SAMMSON: variants seen among roughly 807,000 people sequenced by gnomAD.
SAMMSON encodes survival associated mitochondrial melanoma specific oncogenic non-coding RNA, also known as long intergenic non-protein coding RNA 1212.
intron 6 of SAMMSON, among the ~76,000 whole-genome samples, chr3:70,287,274 T>C (rs1702176205): frequency 7.0e-6 from 1 of 143,476 alleles, no homozygotes; most frequent in East Asian, 2.0e-4. Flanking sequence ...TGAAGGGTTG[T>C]TGAATTTTGT....
At chr3:70,307,500 A>T (rs1308668920) in intron 7 of SAMMSON, among the ~76,000 whole-genome samples, 1 of 151,910 alleles carries the variant, frequency 6.6e-6, no homozygotes, top group Non-Finnish European at 1.5e-5. Flanking sequence ...TTCCACCTGT[A>T]ATTTCCCCCC....
At chr3:70,193,378 C>G (rs1418178162) in intron 4 of SAMMSON, among the ~76,000 whole-genome samples, 1 of 152,186 alleles carries the variant, frequency 6.6e-6, no homozygotes, top group African/African-American at 2.4e-5. Context: ...TCTGTATCCT[C>G]GAACTCCTGG....
At position 70,265,492 on chromosome 3, in the gene SAMMSON, C is replaced by G. The variant is rs374833254; in HGVS notation, n.674+15822C>G. 1.7e-4 allele frequency among the ~76,000 whole-genome samples: 24 copies of G among 144,140 alleles called. No individual in the cohort carries two copies. The South Asian group carries it at 6.0e-3, about 36-fold the overall frequency. 94.6% of individuals were successfully genotyped at this position (144,140 alleles called of 152,430 possible). On this transcript the variant is annotated intron_variant and non_coding_transcript_variant, in intron 6 of 9. Coordinates refer to ENST00000642114, the Ensembl canonical transcript of SAMMSON. ...CCCTGCTCCATGCTACCTCCATACT[C>G]CCTGCACACACACACTAACACACAA...
At chr3:70,368,684 G>A (rs1271387434) in intron 9 of SAMMSON, among the ~76,000 whole-genome samples, 1 of 151,520 alleles carries the variant, frequency 6.6e-6, no homozygotes, top group East Asian at 1.9e-4. Flanking sequence ...CTGTATTTGT[G>A]TGGGTCTAAT....
chr3:70,028,161 T>TCCTA (rs1489534635), intron 3 of SAMMSON, among the ~76,000 whole-genome samples: 2 of 146,378 alleles, frequency 1.4e-5, no homozygotes, highest in African/African-American at 2.6e-5. Flanking sequence ...CTTCCTTCCT[T>TCCTA]CCTTCCTTCC....
chr3:70,354,075 A>G (rs1702812937), intron 7 of SAMMSON: 2 of 152,332 alleles, frequency 1.3e-5, no homozygotes, highest in Non-Finnish European at 1.5e-5. Flanking sequence ...AAGGAAGTGC[A>G]GCTGTAAAAA....
At chr3:70,207,526 TTGTA>T (rs762402055) in intron 4 of SAMMSON, among the ~76,000 whole-genome samples, 11 of 152,012 alleles carry the variant, frequency 7.2e-5, no homozygotes, top group Non-Finnish European at 1.5e-4. Flanking sequence ...GCCCCAAGCG[TTGTA>T]TGTATTTTAC....
chr3:70,052,905 A>T (rs1334029150), intron 3 of SAMMSON, among the ~76,000 whole-genome samples: 1 of 152,164 alleles, frequency 6.6e-6, no homozygotes, highest in Non-Finnish European at 1.5e-5. Flanking sequence ...GGGTGGCAAG[A>T]ACGTGAATGA....
At chr3:70,249,401 A>G (rs747700557) in intron 5 of SAMMSON, among the ~76,000 whole-genome samples, 2 of 152,154 alleles carry the variant, frequency 1.3e-5, no homozygotes, top group Non-Finnish European at 2.9e-5. Flanking sequence ...ATTGGAATGC[A>G]ATTTAGGAGA....
At chr3:70,391,079 G>A (rs1167156498), downstream of SAMMSON, among the ~76,000 whole-genome samples, 2 of 152,130 alleles carry the variant, frequency 1.3e-5, no homozygotes. Flanking sequence ...GTAATTTACA[G>A]AGAAAAGACA....
chr3:70,242,438 A>G (rs927784718), intron 4 of SAMMSON, among the ~76,000 whole-genome samples: 1 of 152,186 alleles, frequency 6.6e-6, no homozygotes, highest in African/African-American at 2.4e-5. Flanking sequence ...ATGAAATCTC[A>G]GTGGCCCATA....
Position 70,308,878 on chromosome 3 carries a change from G to A in SAMMSON, n.739+17635G>A, listed in dbSNP as rs190170395. On this transcript the variant is annotated intron_variant and non_coding_transcript_variant, in intron 7 of 9. Coordinates refer to ENST00000642114, the Ensembl canonical transcript of SAMMSON. Reference sequence around the variant, plus strand: ...GCAGTGCACTCAGTGCTTTGTGTCAGTGACTCCAGTGAAGTGCTTGTTCCA... The same window carrying A: ...GCAGTGCACTCAGTGCTTTGTGTCAATGACTCCAGTGAAGTGCTTGTTCCA... Among the ~76,000 whole-genome samples the A allele has an allele frequency of 1.2e-3, 190 of 152,232 alleles. 2 individuals are homozygous for A. Among genetic ancestry groups the A allele is most frequent in the Middle Eastern group, 3.4e-3 (1 of 294 alleles).
At chr3:70,385,282 C>A (rs984353797) in intron 9 of SAMMSON, among the ~76,000 whole-genome samples, 2 of 151,990 alleles carry the variant, frequency 1.3e-5, no homozygotes, top group African/African-American at 4.8e-5. Context: ...AACAGTAGGT[C>A]CACCATGTAA....
intron 3 of SAMMSON, among the ~76,000 whole-genome samples, chr3:70,052,832 C>A (rs1437936950): frequency 6.6e-6 from 1 of 152,060 alleles, no homozygotes; most frequent in Admixed American, 6.6e-5. Flanking sequence ...AAATTGCCCT[C>A]ATTTGAGAAG....
chr3:70,278,860 G>A (rs925802369), intron 6 of SAMMSON, among the ~76,000 whole-genome samples: 1 of 151,834 alleles, frequency 6.6e-6, no homozygotes, highest in Non-Finnish European at 1.5e-5. Flanking sequence ...AAGGGTTGTT[G>A]TAAAAACAAA....
At chr3:70,022,077 C>G (rs374017461) in intron 3 of SAMMSON, among the ~76,000 whole-genome samples, 27 of 151,988 alleles carry the variant, frequency 1.8e-4, no homozygotes, top group Admixed American at 2.6e-4. Context: ...AACATCTTAA[C>G]GAGAAGGGCC....
chr3:70,126,049 A>G, intron 4 of SAMMSON: 2 of 1,031,654 alleles, frequency 1.9e-6, no homozygotes, highest in African/African-American at 1.5e-5. Flanking sequence ...CATTTTATTC[A>G]TAAGATGAAG....
intron 4 of SAMMSON, among the ~76,000 whole-genome samples, chr3:70,079,660 A>T (rs1450902555): frequency 2.0e-5 from 3 of 152,188 alleles, no homozygotes. Context: ...CTTAAGGTGG[A>T]TTAGGATAGG....
At chr3:70,243,586 CTT>C (rs1701680388) in intron 4 of SAMMSON, among the ~76,000 whole-genome samples, 1 of 152,136 alleles carries the variant, frequency 6.6e-6, no homozygotes, top group Non-Finnish European at 1.5e-5. Flanking sequence ...CTGGAGAATT[CTT>C]TGTCGTGGGG....
Sources: gnomAD v4.1 joint callset for allele counts (sites outside exome capture counted in the v4.1 genomes callset) on GRCh38, gnomAD v4.1.1 for gene constraint, MANE v1.5 for transcripts, NCBI Gene and HGNC (gene_info 2026-07-23, HGNC 2026-07-21) for gene names.